PAX3: variants seen among roughly 807,000 people sequenced by gnomAD.
PAX3 encodes paired box 3, also known as paired box protein Pax-3.
In PAX3, 14 loss-of-function variants were observed where a neutral mutation model predicts 51.6. The observed-to-expected ratio is 0.27, with a 90% CI of 0.18 to 0.42. PAX3 has a LOEUF of 0.42. Among genes scored for constraint, PAX3 ranks in the 10% least tolerant of loss-of-function variants. The pLI, the probability that PAX3 is intolerant of heterozygous loss-of-function variation, is 1.00. For synonymous variants in PAX3, 280 were observed against 253.4 expected, an observed-to-expected ratio of 1.11 and a Z score of -1.00; for missense variants, 540 against 642.8, an observed-to-expected ratio of 0.84 and a Z score of 1.73.
intron 4 of PAX3, among the ~76,000 whole-genome samples, chr2:222,246,870 AT>A (rs1239785383): frequency 6.6e-6 from 1 of 152,164 alleles, no homozygotes; most frequent in African/African-American, 2.4e-5. Flanking sequence ...GTTTTCTGAG[AT>A]TATAAAGCAC....
rs906828633 is a variant in PAX3, at chr2:222,203,290, A to G, written c.1174-1100T>C. Among the ~76,000 whole-genome samples, 8 of 151,950 alleles carry G rather than the reference A, an allele frequency of 5.3e-5. No homozygotes were observed. In the East Asian group the frequency reaches 1.6e-3, roughly 30 times the overall value. The stretch of plus-strand genomic sequence containing the variant: ...TGCAGCTGGAAAACTGCCACACGAG[A>G]GAGGAAGCGATTTTTCTAAACTATG... On this transcript the variant is annotated intron_variant, in intron 7 of 8. Coordinates refer to ENST00000392070, the MANE Select transcript of PAX3 (RefSeq NM_181458.4).
Position 222,201,047 on chromosome 2 carries a change from ACACACACG to A in PAX3, c.*353_*360del. The A allele has an allele frequency of 1.0e-6, 1 of 980,990 alleles. No individual in the cohort carries two copies. Among genetic ancestry groups the A allele is most frequent in the Non-Finnish European group, 1.6e-6 (1 of 637,748 alleles). The allele number at this position is 980,990 out of a possible 1,614,324, so 60.8% of individuals were successfully genotyped here. The stretch of plus-strand genomic sequence containing the variant: ...GGTAAATCTCAATACACACACACAC[ACACACACG>A]CACGCACGCACACAAGCAAATGGAA... On this transcript the variant is annotated 3_prime_UTR_variant, in exon 9 of 9. Transcript: ENST00000392070.
At chr2:222,204,832 T>C (rs547957134) in intron 7 of PAX3, among the ~76,000 whole-genome samples, 2 of 152,308 alleles carry the variant, frequency 1.3e-5, no homozygotes, top group Middle Eastern at 3.4e-3. Flanking sequence ...ATTCAGTCAA[T>C]GGTATGTCAC....
At chr2:222,258,906 T>C (rs1348149001) in intron 4 of PAX3, among the ~76,000 whole-genome samples, 1 of 151,932 alleles carries the variant, frequency 6.6e-6, no homozygotes, top group Non-Finnish European at 1.5e-5. Context: ...CTGAGTCTTG[T>C]TCTCTAGAAC....
At chr2:222,206,344 A>G (rs1691508532) in intron 7 of PAX3, among the ~76,000 whole-genome samples, 1 of 152,132 alleles carries the variant, frequency 6.6e-6, no homozygotes, top group Non-Finnish European at 1.5e-5. Flanking sequence ...CTCATTAGAA[A>G]AGGAAGCAAG....
chr2:222,238,994 T>G (rs1692904132), intron 4 of PAX3, among the ~76,000 whole-genome samples: 1 of 152,224 alleles, frequency 6.6e-6, no homozygotes, highest in South Asian at 2.1e-4. Context: ...GTAGCCCTTT[T>G]ACGCTGAGAA....
chr2:222,221,450 T>C, intron 5 of PAX3, 63 bp from the exon 6 acceptor site: 2 of 1,441,702 alleles, frequency 1.4e-6, no homozygotes, highest in East Asian at 2.3e-5. Flanking sequence ...TCTTAATGAA[T>C]TTTTTATGCT....
Position 222,200,359 on chromosome 2 carries a change from T to G in PAX3, c.*1049A>C. The G allele has an allele frequency of 4.4e-6, 1 of 224,942 alleles. No homozygotes were observed. Among genetic ancestry groups the G allele is most frequent in the Non-Finnish European group, 8.9e-6 (1 of 112,554 alleles). The allele number at this position is 224,942 out of a possible 1,614,324, so 13.9% of individuals were successfully genotyped here. On this transcript the variant is annotated 3_prime_UTR_variant, in exon 9 of 9. Transcript: ENST00000392070. The stretch of plus-strand genomic sequence containing the variant: ...GCCTTTCATAGAAAAGAGAAGAATG[T>G]AAACGTAATCAGTTTAAAAGCATAA...
At chr2:222,269,373 A>G (rs1694169214) in intron 4 of PAX3, among the ~76,000 whole-genome samples, 1 of 152,164 alleles carries the variant, frequency 6.6e-6, no homozygotes, top group Non-Finnish European at 1.5e-5. Context: ...CCTTTGAATT[A>G]ATATCAAAGG....
At chr2:222,289,356 A>G (rs1465214529) in intron 4 of PAX3, among the ~76,000 whole-genome samples, 6 of 152,208 alleles carry the variant, frequency 3.9e-5, no homozygotes, top group African/African-American at 1.4e-4. Context: ...GTTGTTCTCA[A>G]AATATATGCA....
intron 4 of PAX3, among the ~76,000 whole-genome samples, chr2:222,282,478 C>G (rs763057150): frequency 1.3e-5 from 2 of 152,146 alleles, no homozygotes; most frequent in African/African-American, 2.4e-5. Flanking sequence ...TTCCCAAACT[C>G]AAGAAACCCC....
chr2:222,233,545 A>T (rs1382770958), intron 4 of PAX3, among the ~76,000 whole-genome samples: 2 of 152,126 alleles, frequency 1.3e-5, no homozygotes, highest in Admixed American at 6.5e-5. Flanking sequence ...CCCATAGCAA[A>T]GTGAACCCTT....
chr2:222,265,055 A>T (rs1693994554), intron 4 of PAX3: 1 of 152,166 alleles, frequency 6.6e-6, no homozygotes, highest in Admixed American at 6.5e-5. Flanking sequence ...CCTGGACTCT[A>T]AAAAGTACTT....
intron 4 of PAX3, among the ~76,000 whole-genome samples, chr2:222,291,969 GGTGT>G (rs3997675): frequency 0.26 from 35,166 of 133,360 alleles, 4,256 homozygotes; most frequent in African/African-American, 0.3. Flanking sequence ...CAGCCTCCAA[GGTGT>G]GTGTGTGTGT....
rs948088412 is a variant in PAX3, at chr2:222,199,977, T to C, written c.*1431A>G. ...CATTTTTACAACACATTGTTGTTGG[T>C]TGAGGCTGCAACACAAAGATAGTAC... On this transcript the variant is annotated 3_prime_UTR_variant, in exon 9 of 9. Transcript: ENST00000392070. The C allele has an allele frequency of 1.5e-5, 3 of 195,824 alleles. No individual in the cohort carries two copies. Among genetic ancestry groups the C allele is most frequent in the African/African-American group, 6.9e-5 (3 of 43,348 alleles). The allele number at this position is 195,824 out of a possible 1,614,324, so 12.1% of individuals were successfully genotyped here. A position where few individuals can be genotyped will look rare whatever the true frequency, so the allele number is the denominator to read the frequency against.
intron 4 of PAX3, among the ~76,000 whole-genome samples, chr2:222,260,578 GTTTTTTTTTTTTGTTTTTTTT>G (rs1315617333): frequency 1.6e-5 from 1 of 61,690 alleles, no homozygotes; most frequent in African/African-American, 6.2e-5. Flanking sequence ...TTTTTTTTTT[GTTTTTTTTTTTTGTTTTTTTT>G]TTTTTTTTTT....
chr2:222,221,187 G>A (rs200368635), intron 6 of PAX3, 35 bp downstream of exon 6: 2 of 1,606,858 alleles, frequency 1.2e-6, no homozygotes, highest in Admixed American at 1.7e-5. Context: ...TCGCCTGGAA[G>A]TTACTTTCTA....
chr2:222,293,891 A>G (rs2106195860), intron 4 of PAX3: 2 of 1,599,092 alleles, frequency 1.3e-6, no homozygotes, highest in Non-Finnish European at 1.7e-6. Context: ...CCCCTACAAC[A>G]GAGCACAATT....
At chr2:222,252,834 G>A (rs1040180930) in intron 4 of PAX3, among the ~76,000 whole-genome samples, 3 of 152,130 alleles carry the variant, frequency 2.0e-5, no homozygotes, top group African/African-American at 7.2e-5. Context: ...TAAAAAGGGT[G>A]AGAACCAGGA....
Sources: allele counts gnomAD v4.1 joint callset (sites outside exome capture counted in the v4.1 genomes callset), GRCh38; gene constraint gnomAD v4.1.1; transcripts MANE v1.5; gene names NCBI Gene and HGNC (gene_info 2026-07-23, HGNC 2026-07-21).